Variants in EFCC1 observed in about 807,000 individuals in gnomAD.
EFCC1 encodes the protein EF-hand and coiled-coil domain-containing protein 1.
EFCC1 carries 50 observed loss-of-function variants against 52.1 expected under a neutral mutation model. That is an observed-to-expected ratio of 0.96 (90% CI 0.76 to 1.21). The LOEUF (loss-of-function observed/expected upper bound fraction) is 1.21, where lower values mean the gene tolerates loss of function less well. Ranked by LOEUF, EFCC1 falls within the 50% of genes most tolerant of loss-of-function variation. The probability of loss-of-function intolerance (pLI) is 0.00; values close to 1 mark genes in which losing one functional copy is unlikely to be tolerated. For synonymous variants in EFCC1, 399 were observed against 396.5 expected, an observed-to-expected ratio of 1.01 and a Z score of -0.08; for missense variants, 837 against 867.3, an observed-to-expected ratio of 0.97 and a Z score of 0.44.
intron 2 of EFCC1, among the ~76,000 whole-genome samples, chr3:129,017,625 C>T (rs1459025566): frequency 6.6e-6 from 1 of 152,240 alleles, no homozygotes; most frequent in Non-Finnish European, 1.5e-5. Context: ...CATCTTCCAG[C>T]CAGCAACGAC....
chr3:129,030,668 C>T (rs559529556), intron 2 of EFCC1, 35 bp from the exon 3 acceptor site: 256 of 1,545,894 alleles, frequency 1.7e-4, no homozygotes, highest in Non-Finnish European at 2.2e-4. Context: ...CCTGTACTCT[C>T]CTCCTCAATG....
At chr3:129,020,693 G>T (rs2107910512) in intron 2 of EFCC1, among the ~76,000 whole-genome samples, 1 of 152,268 alleles carries the variant, frequency 6.6e-6, no homozygotes, top group African/African-American at 2.4e-5. Flanking sequence ...GAAAGACTTG[G>T]TAAGGCACGC....
At chr3:129,002,417 G>C in intron 1 of EFCC1, 93 bp downstream of exon 1, 1 of 1,425,458 alleles carries the variant, frequency 7.0e-7, no homozygotes, top group Non-Finnish European at 9.1e-7. Flanking sequence ...GACAGAGTCA[G>C]AGGAAGGGGA....
chr3:129,002,107 G>T lies in EFCC1; in HGVS notation c.479G>T (p.Arg160Leu), dbSNP rs1944805260. Reference sequence around the variant, plus strand: ...TACTTCGGCACCCGTGCGGGGCCCCGGCTGCCCCGCGGCGCTCTCAGCGAG... The same window carrying T: ...TACTTCGGCACCCGTGCGGGGCCCCTGCTGCCCCGCGGCGCTCTCAGCGAG... ...CGYFGTRAGPRLPRGALSEHI... is the reference protein window; with the variant it reads ...CGYFGTRAGPLLPRGALSEHI... The change falls in exon 1 of 8, where the codon CGG becomes CTG. Residue 160 changes from arginine to leucine, a missense_variant. By Grantham distance (102) the Arg-to-Leu change is moderately radical (BLOSUM62 -2). Transcript: ENST00000683648. 6.7e-7 allele frequency: 1 copy of T among 1,492,728 alleles called. No individual in the cohort carries two copies. Among genetic ancestry groups the T allele is most frequent in the East Asian group, 2.7e-5 (1 of 36,764 alleles). 92.5% of individuals were successfully genotyped at this position (1,492,728 alleles called of 1,614,324 possible).
chr3:129,037,164 C>T, intron 6 of EFCC1, 47 bp downstream of exon 6: 2 of 1,546,828 alleles, frequency 1.3e-6, no homozygotes, highest in Non-Finnish European at 1.7e-6. Flanking sequence ...GAAAGGAGCT[C>T]TTGGGAGGGA....
chr3:129,003,494 G>T (rs541552320), intron 1 of EFCC1, among the ~76,000 whole-genome samples: 2 of 152,024 alleles, frequency 1.3e-5, no homozygotes, highest in African/African-American at 4.8e-5. Flanking sequence ...AGAGTCGCGA[G>T]GTTGGTACTA....
In EFCC1 at chr3:129,001,857, G is replaced by A; in HGVS notation, c.229G>A (p.Ala77Thr). 6.5e-7 allele frequency: 1 copy of A among 1,546,160 alleles called. No homozygotes were observed. The highest frequency in any genetic ancestry group is 2.5e-5 in the East Asian group (1 of 40,714). ...DCRGAGRLPR[A>T]DFRALCAVLG... ...CCGCGGCGCCGGCCGTCTGCCCCGC[G>A]CCGACTTCCGAGCGCTCTGCGCTGT... The change falls in exon 1 of 8, where the codon GCC (alanine) becomes ACC (threonine). Residue 77 changes from alanine to threonine, a missense_variant. Physicochemically the swap from Ala to Thr is moderately conservative, Grantham distance 58. Coordinates refer to ENST00000683648, the MANE Select transcript of EFCC1 (RefSeq NM_001377500.1).
chr3:129,003,231 T>G, intron 1 of EFCC1: 1 of 985,392 alleles, frequency 1.0e-6, no homozygotes, highest in Non-Finnish European at 1.2e-6. Context: ...GAATCCCAAG[T>G]AACGTACTGG....
intron 6 of EFCC1, 102 bp downstream of exon 6, chr3:129,037,219 A>C: frequency 7.1e-7 from 1 of 1,404,426 alleles, no homozygotes; most frequent in South Asian, 1.5e-5. Context: ...TCCTTACAGT[A>C]GGCAGCTGTT....
Position 129,030,823 on chromosome 3 carries a change from G to A in EFCC1, c.1101G>A (p.Gln367=), listed in dbSNP as rs1418541579. 1.3e-6 allele frequency: 2 copies of A among 1,551,500 alleles called. No individual in the cohort carries two copies. Among genetic ancestry groups the A allele is most frequent in the Non-Finnish European group, 1.7e-6 (2 of 1,146,886 alleles). The change falls in exon 3 of 8, where the codon CAG becomes CAA. Residue 367 remains glutamine, a synonymous_variant. Coordinates refer to ENST00000683648, the MANE Select transcript of EFCC1 (RefSeq NM_001377500.1). ...ACCCCACTCCAGAGGGAGCCTGGCA[G>A]TCAGACAGCAGCTCTGGAAGCAGAG... ...DPDPTPEGAW[Q]SDSSSGSRAL...
At chr3:129,008,223 A>G (rs1269518485) in intron 2 of EFCC1, among the ~76,000 whole-genome samples, 1 of 152,108 alleles carries the variant, frequency 6.6e-6, no homozygotes, top group Non-Finnish European at 1.5e-5. Flanking sequence ...TAGGTGGAAT[A>G]TTTTTCATTT....
chr3:129,032,985 G>C lies in EFCC1; in HGVS notation c.1286+19G>C, dbSNP rs561628552. 1 of 1,511,254 alleles carries C rather than the reference G, an allele frequency of 6.6e-7. No individual in the cohort carries two copies. The highest frequency in any genetic ancestry group is 1.3e-5 in the South Asian group (1 of 78,768). 93.6% of individuals were successfully genotyped at this position (1,511,254 alleles called of 1,614,324 possible). On this transcript the variant is annotated intron_variant, in intron 4 of 7. Coordinates refer to ENST00000683648, the MANE Select transcript of EFCC1 (RefSeq NM_001377500.1). The stretch of plus-strand genomic sequence containing the variant: ...GAGGCAGGTGTGTGGCCCGTCCAGC[G>C]TCAGCCACTGTGGGCCGCAGGCTCC...
rs755150706 is a variant in EFCC1 at position 129,003,991 on chromosome 3, C to T, written c.894C>T (p.Arg298=). 9 of 1,500,298 alleles carry T rather than the reference C, an allele frequency of 6.0e-6. No individual in the cohort carries two copies. The African/African-American group carries it at 8.7e-5, about 14-fold the overall frequency. 92.9% of individuals were successfully genotyped at this position (1,500,298 alleles called of 1,614,324 possible). ...ARQVVLRSLH[R]VRELEALAQQ... ...AGGTGGTGCTGCGCAGCCTGCACCG[C>T]GTGCGAGAGCTGGAGGCGCTGGCGC... Residue 298 remains arginine, a synonymous_variant, in exon 2 of 8, where the codon CGC becomes CGT. Coordinates refer to ENST00000683648, the MANE Select transcript of EFCC1 (RefSeq NM_001377500.1).
At chr3:129,034,143 G>A (rs62265318) in intron 4 of EFCC1, 21 bp from the exon 5 acceptor site, 50,437 of 1,613,888 alleles carry the variant, frequency 0.031, 975 homozygotes, top group Non-Finnish European at 0.036. Context: ...CCTGCAATGC[G>A]GGCCCTCTCC....
At chr3:129,036,656 G>A (rs754267876) in intron 5 of EFCC1, among the ~76,000 whole-genome samples, 9 of 152,200 alleles carry the variant, frequency 5.9e-5, no homozygotes, top group Non-Finnish European at 1.2e-4. Flanking sequence ...CCAGCTGCTA[G>A]TCCATTCTGG....
chr3:129,039,802 C>CCT lies in EFCC1; in HGVS notation c.1757_1758dup (p.Ala587LeufsTer41). 3 of 1,612,388 alleles carry CCT rather than the reference C, an allele frequency of 1.9e-6. No individual in the cohort carries two copies. The highest frequency in any genetic ancestry group is 2.5e-6 in the Non-Finnish European group (3 of 1,178,960). ...TTGCGGAGACAGCCCTCGGCACCAG[C>CCT]CTCTGCAGCAGCTGCGCTCACCAAC... On this transcript the variant is annotated frameshift_variant, in exon 8 of 8. Coordinates refer to ENST00000683648, the MANE Select transcript of EFCC1 (RefSeq NM_001377500.1). LOFTEE classifies it high-confidence loss of function.
intron 2 of EFCC1, among the ~76,000 whole-genome samples, chr3:129,019,865 T>A (rs1407275317): frequency 6.7e-6 from 1 of 149,810 alleles, no homozygotes; most frequent in Non-Finnish European, 1.5e-5. Context: ...ACCTCCCAGA[T>A]TCAAGCGATT....
intron 2 of EFCC1, among the ~76,000 whole-genome samples, chr3:129,028,789 C>T (rs1442630894): frequency 1.3e-5 from 2 of 151,870 alleles, no homozygotes; most frequent in African/African-American, 4.8e-5. Flanking sequence ...ATTACAGGCA[C>T]GTGCCACCAC....
intron 2 of EFCC1, among the ~76,000 whole-genome samples, chr3:129,025,961 C>G (rs1202345027): frequency 1.3e-5 from 2 of 152,228 alleles, no homozygotes; most frequent in Non-Finnish European, 2.9e-5. Flanking sequence ...TTGTGCCTGG[C>G]ATGTGGGCCT....
Sources: allele counts gnomAD v4.1 joint callset (sites outside exome capture counted in the v4.1 genomes callset), GRCh38; gene constraint gnomAD v4.1.1; transcripts MANE v1.5; gene names NCBI Gene and HGNC (gene_info 2026-07-23, HGNC 2026-07-21).